The following SMARCA1 variants were observed in gnomAD, a reference collection of about 807,000 sequenced individuals.
SMARCA1 encodes SNF2 related chromatin remodeling ATPase 1.
A neutral mutation model predicts 93.6 loss-of-function variants in SMARCA1; 17 were observed. That is an observed-to-expected ratio of 0.18 (90% CI 0.12 to 0.27). SMARCA1 has a LOEUF of 0.27. Ranked by LOEUF, SMARCA1 falls within the 10% of genes least tolerant of loss-of-function variation. The pLI is 1.00. For missense variants in SMARCA1, 630 were observed against 819.0 expected (o/e 0.77, Z 2.82); for synonymous variants, 271 against 271.4 (o/e 1.00, Z 0.01).
At chrX:129,447,544 A>G (rs1932065538) in intron 24 of SMARCA1, among the ~76,000 whole-genome samples, 3 of 111,362 alleles carry the variant, frequency 2.7e-5, no homozygotes, top group African/African-American at 9.8e-5. Flanking sequence ...TTCTGGGCAA[A>G]ATTTTGTTTA....
chrX:129,515,399 G>A (rs950915895), intron 5 of SMARCA1, among the ~76,000 whole-genome samples: 1 of 110,257 alleles, frequency 9.1e-6, no homozygotes, highest in African/African-American at 3.3e-5. Flanking sequence ...TGGTGGGCAC[G>A]TGCCTGGAGT....
chrX:129,452,465 T>C (rs1033083492), intron 23 of SMARCA1, among the ~76,000 whole-genome samples: 1 of 112,653 alleles, frequency 8.9e-6, no homozygotes, highest in African/African-American at 3.2e-5. Flanking sequence ...GTAGTGTTAA[T>C]AGCTGTGGCA....
At chrX:129,516,587 G>T in intron 2 of SMARCA1, 90 bp from the exon 3 acceptor site, 1 of 766,755 alleles carries the variant, frequency 1.3e-6, no homozygotes, top group Non-Finnish European at 1.9e-6. Flanking sequence ...AACATTCTTA[G>T]CACTTGAAAC....
intron 23 of SMARCA1, among the ~76,000 whole-genome samples, chrX:129,453,155 G>T (rs920308080): frequency 1.8e-5 from 2 of 111,192 alleles, no homozygotes; most frequent in Non-Finnish European, 3.8e-5. Flanking sequence ...TATAGAAATT[G>T]GGCTAATTAT....
At chrX:129,498,216 G>T (rs1212357796) in intron 10 of SMARCA1, 145 bp from the exon 11 acceptor site, 1 of 458,242 alleles carries the variant, frequency 2.2e-6, no homozygotes, top group Non-Finnish European at 3.9e-6. Flanking sequence ...AACCTACAAA[G>T]TAATGAATAT....
At chrX:129,452,104 T>C (rs1762822232) in intron 23 of SMARCA1, among the ~76,000 whole-genome samples, 1 of 112,589 alleles carries the variant, frequency 8.9e-6, no homozygotes, top group South Asian at 3.7e-4. Flanking sequence ...AAAGGCTAGA[T>C]TACCAATAAA....
chrX:129,493,248 AT>A (rs1037472992), intron 12 of SMARCA1, among the ~76,000 whole-genome samples, 173 bp from the exon 13 acceptor site: 1 of 111,709 alleles, frequency 9.0e-6, no homozygotes, highest in African/African-American at 3.3e-5. Flanking sequence ...TTTTACAATT[AT>A]TTTTTATGGA....
intron 19 of SMARCA1, among the ~76,000 whole-genome samples, chrX:129,471,924 G>A (rs1205053008): frequency 8.9e-6 from 1 of 112,299 alleles, no homozygotes. Flanking sequence ...CAGTGGTCAA[G>A]GAGGAAAAGA....
chrX:129,497,752 G>A (rs1463568058), intron 11 of SMARCA1, 93 bp downstream of exon 11: 4 of 556,006 alleles, frequency 7.2e-6, no homozygotes, highest in African/African-American at 2.3e-5. Context: ...AATGTCTGCT[G>A]AATAAGTGAA....
intron 17 of SMARCA1, among the ~76,000 whole-genome samples, chrX:129,484,857 T>C (rs745486966): frequency 4.5e-4 from 51 of 112,112 alleles, no homozygotes; most frequent in Non-Finnish European, 8.3e-4. Flanking sequence ...CATGCTAAAA[T>C]CAGTGAGTAA....
chrX:129,453,989 T>G (rs1304525214), intron 23 of SMARCA1, among the ~76,000 whole-genome samples: 1 of 111,259 alleles, frequency 9.0e-6, no homozygotes, highest in African/African-American at 3.3e-5. Context: ...GCCAAGACAA[T>G]CCTAAACAAA....
intron 17 of SMARCA1, among the ~76,000 whole-genome samples, chrX:129,483,918 C>T (rs1288162869): frequency 1.8e-5 from 2 of 111,786 alleles, no homozygotes; most frequent in Admixed American, 9.5e-5. Context: ...CACTTCTCCT[C>T]AAAAGATAAT....
chrX:129,477,155 C>T (rs1933421338), intron 19 of SMARCA1, among the ~76,000 whole-genome samples: 1 of 111,585 alleles, frequency 9.0e-6, no homozygotes, highest in South Asian at 3.8e-4. Context: ...CACTGCAGTC[C>T]AAGTGGCCAC....
intron 8 of SMARCA1, 126 bp downstream of exon 8, chrX:129,505,953 GA>G: frequency 1.9e-6 from 1 of 540,176 alleles, no homozygotes; most frequent in East Asian, 3.4e-5. Context: ...TCTTTCCTAA[GA>G]AAACCAAAAC....
At chrX:129,461,926 G>A (rs1602653909) in intron 23 of SMARCA1, among the ~76,000 whole-genome samples, 1 of 111,485 alleles carries the variant, frequency 9.0e-6, no homozygotes. Context: ...CTTTTGTATA[G>A]CTAGCATTTT....
At chrX:129,486,776 G>A (rs1274803128) in intron 17 of SMARCA1, among the ~76,000 whole-genome samples, 1 of 108,279 alleles carries the variant, frequency 9.2e-6, no homozygotes, top group Non-Finnish European at 1.9e-5. Flanking sequence ...AGCAGTAGTA[G>A]TAGTAGTAGC....
chrX:129,508,033 T>C lies in SMARCA1; in HGVS notation c.874A>G (p.Met292Val). Residue 292 changes from methionine (M) to valine (V), a missense_variant, in exon 7 of 25, where the codon ATG (methionine) becomes GTG (valine). Physicochemically the swap from Met to Val is conservative, Grantham distance 21 (BLOSUM62 1). Coordinates refer to ENST00000371121, the MANE Select transcript of SMARCA1 (RefSeq NM_001282874.2). ...AATACAGATTTTTCTTTAATTACCATCTCATAAGAAGTAACGCAAACATCC... is the reference window on the plus strand; with the variant it reads ...AATACAGATTTTTCTTTAATTACCACCTCATAAGAAGTAACGCAAACATCC... Reference protein sequence around the residue: ...EWDVCVTSYEMVIKEKSVFKK... With the variant: ...EWDVCVTSYEVVIKEKSVFKK... 1 of 1,185,591 alleles carries C rather than the reference T, an allele frequency of 8.4e-7. No homozygotes were observed. Among genetic ancestry groups the C allele is most frequent in the Non-Finnish European group, 1.1e-6 (1 of 875,972 alleles).
At chrX:129,498,497 C>CAT (rs1028435256) in intron 10 of SMARCA1, among the ~76,000 whole-genome samples, 11 of 110,975 alleles carry the variant, frequency 9.9e-5, no homozygotes, top group East Asian at 2.8e-4. Flanking sequence ...CAGAGACTTA[C>CAT]ATATATATAT....
chrX:129,483,451 T>C (rs1933770524), intron 17 of SMARCA1, among the ~76,000 whole-genome samples: 1 of 111,161 alleles, frequency 9.0e-6, no homozygotes, highest in African/African-American at 3.3e-5. Flanking sequence ...AATGAGAAAT[T>C]CCCACAGCAA....
Sources: allele counts gnomAD v4.1 joint callset (sites outside exome capture counted in the v4.1 genomes callset), GRCh38; gene constraint gnomAD v4.1.1; transcripts MANE v1.5; gene names NCBI Gene and HGNC (gene_info 2026-07-23, HGNC 2026-07-21).